PLVAP: variants seen among roughly 807,000 people sequenced by gnomAD.
The protein encoded by PLVAP is plasmalemma vesicle associated protein, also known as plasmalemma vesicle-associated protein.
A neutral mutation model predicts 43.1 loss-of-function variants in PLVAP; 34 were observed. That is an observed-to-expected ratio of 0.79 (90% CI 0.60 to 1.05). The LOEUF is 1.05. PLVAP is among the 50% of genes least tolerant of loss of function. The pLI is 0.00. For missense variants in PLVAP, 574 were observed against 593.4 expected, an observed-to-expected ratio of 0.97 and a Z score of 0.34; for synonymous variants, 241 against 237.3, an observed-to-expected ratio of 1.02 and a Z score of -0.14.
rs1157022424 is a variant in PLVAP at position 17,365,952 on chromosome 19, C to T, written c.513G>A (p.Glu171=). 1 of 1,614,050 alleles carries T rather than the reference C, an allele frequency of 6.2e-7. No homozygotes were observed. Among genetic ancestry groups the T allele is most frequent in the Admixed American group, 1.7e-5 (1 of 59,996 alleles). ...LNQKVKTLEV[E]IAKEKTICTK... ...TGCAAATGGTCTTCTCCTTGGCTAT[C>T]TCCACCTCCAGCGTCTTCACCTTCT... The change falls in exon 3 of 6, where the codon GAG becomes GAA. Residue 171 remains glutamate (E), a synonymous_variant. Transcript: ENST00000252590.
chr19:17,361,793 G>A (rs148653585), intron 3 of PLVAP, among the ~76,000 whole-genome samples: 2 of 152,258 alleles, frequency 1.3e-5, no homozygotes, highest in African/African-American at 4.8e-5. Flanking sequence ...TTTCGGGCCA[G>A]GCGTGGTGGC....
In PLVAP at chr19:17,377,055, C is replaced by T. The variant is rs747376101; in HGVS notation, c.234G>A (p.Thr78=). 15 of 1,613,932 alleles carry T rather than the reference C, an allele frequency of 9.3e-6. No homozygotes were observed. Among genetic ancestry groups the T allele is most frequent in the East Asian group, 4.5e-5 (2 of 44,882 alleles). Reference sequence around the variant, plus strand: ...CCTTGGTCAAGTTGGACTGGGAGGCCGTGAGCCCTAGGAGCTGACTGTATA... The same window carrying T: ...CCTTGGTCAAGTTGGACTGGGAGGCTGTGAGCCCTAGGAGCTGACTGTATA... ...EGLYSQLLGL[T]ASQSNLTKEL... is the part of the protein sequence containing the mutation. The change falls in exon 1 of 6, where the codon ACG becomes ACA. Residue 78 remains threonine (T), a synonymous_variant. Coordinates refer to ENST00000252590, the MANE Select transcript of PLVAP (RefSeq NM_031310.3).
Position 17,365,747 on chromosome 19 carries a change from G to A in PLVAP, c.718C>T (p.Leu240=), listed in dbSNP as rs2074547013. 1 of 1,614,108 alleles carries A rather than the reference G, an allele frequency of 6.2e-7. No homozygotes were observed. The part of the protein sequence containing the change: ...KDKFEMDLRN[L]WRDSIIPRSL... ...CGTGGGATAATGGAGTCCCTCCACA[G>A]GTTACGAAGGTCCATCTCAAACTTG... The change falls in exon 3 of 6, where the codon CTG becomes TTG. Residue 240 remains leucine, a synonymous_variant. Coordinates refer to ENST00000252590, the MANE Select transcript of PLVAP (RefSeq NM_031310.3).
Position 17,372,045 on chromosome 19 carries a change from G to A in PLVAP, c.369+4875C>T, listed in dbSNP as rs371371378. On this transcript the variant is annotated intron_variant, in intron 1 of 5. Transcript: ENST00000252590. ...GAACACTGCTTGAGGCTGGGAGTTC[G>A]AGACCAGCCTCGGCAATGTAGTGAC... Among the ~76,000 whole-genome samples, 111 of 139,748 alleles carry A rather than the reference G, an allele frequency of 7.9e-4. 2 individuals carry two copies. Among genetic ancestry groups the A allele is most frequent in the African/African-American group, 2.6e-3 (99 of 37,430 alleles). The allele number at this position is 139,748 out of a possible 152,430, so 91.7% of individuals were successfully genotyped here. A position where few individuals can be genotyped will look rare whatever the true frequency, so the allele number is the denominator to read the frequency against.
At chr19:17,372,048 A>T (rs911466181) in intron 1 of PLVAP, among the ~76,000 whole-genome samples, 2 of 145,904 alleles carry the variant, frequency 1.4e-5, no homozygotes, top group African/African-American at 5.0e-5. Flanking sequence ...GGAGTTCGAG[A>T]CCAGCCTCGG....
Position 17,365,554 on chromosome 19 carries a change from A to G in PLVAP, c.911T>C (p.Leu304Pro). Reference protein sequence around the residue: ...IERVARENSDLQRQKLEAQQG... With the variant: ...IERVARENSDPQRQKLEAQQG... Reference sequence around the variant, plus strand: ...CTGGGCTTCCAGCTTCTGGCGTTGGAGGTCTGAGTTCTCGCGGGCCACGCG... The same window carrying G: ...CTGGGCTTCCAGCTTCTGGCGTTGGGGGTCTGAGTTCTCGCGGGCCACGCG... Residue 304 changes from leucine (L) to proline (P), a missense_variant, in exon 3 of 6, where the codon CTC becomes CCC. Coordinates refer to ENST00000252590, the MANE Select transcript of PLVAP (RefSeq NM_031310.3). The G allele has an allele frequency of 2.5e-6, 4 of 1,611,714 alleles. No individual in the cohort carries two copies. Among genetic ancestry groups the G allele is most frequent in the Non-Finnish European group, 3.4e-6 (4 of 1,179,966 alleles).
chr19:17,366,044 G>A (rs777437826), intron 2 of PLVAP, 46 bp from the exon 3 acceptor site: 14 of 1,611,690 alleles, frequency 8.7e-6, no homozygotes, highest in African/African-American at 2.7e-5. Flanking sequence ...GGGGGCTGCC[G>A]AGAGCACTGG....
intron 1 of PLVAP, among the ~76,000 whole-genome samples, chr19:17,374,142 C>G (rs941442325): frequency 2.7e-5 from 4 of 149,818 alleles, no homozygotes; most frequent in Non-Finnish European, 5.9e-5. Context: ...GCCTTGGCAA[C>G]AGAGGGAGAC....
At chr19:17,353,990 C>G (rs1262925847) in intron 5 of PLVAP, among the ~76,000 whole-genome samples, 1 of 152,128 alleles carries the variant, frequency 6.6e-6, no homozygotes, top group Non-Finnish European at 1.5e-5. Context: ...GGGCTGGACT[C>G]CCATCTTAAG....
At chr19:17,365,260 C>T in intron 3 of PLVAP, 26 bp downstream of exon 3, 1 of 1,578,298 alleles carries the variant, frequency 6.3e-7, no homozygotes, top group Non-Finnish European at 8.6e-7. Flanking sequence ...TCCACTGCAG[C>T]CTCCCTCTGG....
In PLVAP at chr19:17,368,372, G is replaced by A. The variant is rs1407558679; in HGVS notation, c.370-2177C>T. 7.4e-5 allele frequency among the ~76,000 whole-genome samples: 11 copies of A among 148,900 alleles called. No individual in the cohort carries two copies. In the East Asian group the frequency reaches 1.6e-3, roughly 22 times the overall value. ...CAGGTGTGAGCCACCGCACTCGGCC[G>A]AACTAATTTTTGTATTTTTAGTAGA... On this transcript the variant is annotated intron_variant, in intron 1 of 5. Transcript: ENST00000252590.
At chr19:17,356,065 T>G (rs1025796252) in intron 5 of PLVAP, among the ~76,000 whole-genome samples, 14 of 152,118 alleles carry the variant, frequency 9.2e-5, no homozygotes, top group Admixed American at 3.3e-4. Flanking sequence ...TCCCAGAACT[T>G]TGGGAGGCCA....
chr19:17,369,190 G>T (rs914607951), intron 1 of PLVAP, among the ~76,000 whole-genome samples: 12 of 147,008 alleles, frequency 8.2e-5, no homozygotes, highest in South Asian at 6.5e-4. Context: ...TTTTTTTTTT[G>T]TTGTTGTTTT....
At chr19:17,375,755 C>T (rs957948046) in intron 1 of PLVAP, among the ~76,000 whole-genome samples, 2 of 152,056 alleles carry the variant, frequency 1.3e-5, no homozygotes, top group African/African-American at 4.8e-5. Flanking sequence ...GTTGCACACG[C>T]CTGTAATCCC....
rs2074502395 is a variant in PLVAP, at chr19:17,355,270, T to TA, written c.1323-2903dup. Among the ~76,000 whole-genome samples the TA allele has an allele frequency of 2.7e-5, 4 of 145,968 alleles. No homozygotes were observed. The Admixed American group carries it at 2.8e-4, about 10-fold the overall frequency. ...ATAATAATAATAATAATAAAATAAA[T>TA]AATAAAATCTTTTTTAAAAAAAGCT... is the stretch of plus-strand genomic sequence containing the variant. On this transcript the variant is annotated intron_variant, in intron 5 of 5. Transcript: ENST00000252590.
rs2074524979 is a variant in PLVAP, at chr19:17,360,785, G to A, written c.1227C>T (p.Asn409=). ...PVSRPMGPVP[N]PQPIDPASLE... is the part of the protein sequence containing the mutation. The stretch of plus-strand genomic sequence containing the variant: ...TTTGTCACTCACCGATGGGCTGGGG[G>A]TTGGGGACAGGGCCCATGGGCCTTG... The change falls in exon 4 of 6, where the codon AAC becomes AAT. Residue 409 remains asparagine (N), a synonymous_variant. Coordinates refer to ENST00000252590, the MANE Select transcript of PLVAP (RefSeq NM_031310.3). 3 of 1,613,854 alleles carry A rather than the reference G, an allele frequency of 1.9e-6. No homozygotes were observed. Among genetic ancestry groups the A allele is most frequent in the South Asian group, 1.1e-5 (1 of 91,082 alleles).
At chr19:17,371,909 G>A (rs945500912) in intron 1 of PLVAP, among the ~76,000 whole-genome samples, 2 of 152,060 alleles carry the variant, frequency 1.3e-5, no homozygotes, top group Admixed American at 1.3e-4. Context: ...TTGTCTTTCT[G>A]CAACTCTCTG....
chr19:17,374,380 G>C (rs2074586351), intron 1 of PLVAP, among the ~76,000 whole-genome samples: 1 of 151,928 alleles, frequency 6.6e-6, no homozygotes, highest in South Asian at 2.1e-4. Context: ...CAGGAGAATG[G>C]TATGAACGCA....
intron 1 of PLVAP, among the ~76,000 whole-genome samples, chr19:17,372,751 C>T (rs1234702466): frequency 4.6e-5 from 7 of 150,786 alleles, no homozygotes; most frequent in East Asian, 2.1e-4. Context: ...CCACTGCACC[C>T]GGCCAATAAT....
Sources: gnomAD v4.1 joint callset for allele counts (sites outside exome capture counted in the v4.1 genomes callset) on GRCh38, gnomAD v4.1.1 for gene constraint, MANE v1.5 for transcripts, NCBI Gene and HGNC (gene_info 2026-07-23, HGNC 2026-07-21) for gene names.